HSP90AB1: variants seen among roughly 807,000 people sequenced by gnomAD.
HSP90AB1 encodes heat shock protein 90 alpha family class B member 1, also known as heat shock protein HSP 90-beta.
Under a neutral mutation model 67.8 loss-of-function variants are expected in HSP90AB1, and 17 were observed. The ratio of observed to expected loss-of-function variants is 0.25; its 90% CI spans 0.17 to 0.38. HSP90AB1 has a LOEUF of 0.38. HSP90AB1 is among the 10% of genes least tolerant of loss of function. The pLI is 1.00. For synonymous variants in HSP90AB1, 390 were observed against 312.9 expected (o/e 1.25, Z -2.60); for missense variants, 690 against 899.9 (o/e 0.77, Z 2.98).
In HSP90AB1 at chr6:44,251,194, G is replaced by C. The variant is rs147123370; in HGVS notation, c.1104G>C (p.Glu368Asp). The C allele has an allele frequency of 6.2e-7, 1 of 1,614,168 alleles. No individual in the cohort carries two copies. The highest frequency in any genetic ancestry group is 2.2e-5 in the East Asian group (1 of 44,888). The change falls in exon 7 of 12, where the codon GAG becomes GAC. Residue 368 changes from glutamate (E) to aspartate (D), a missense_variant. This residue lies in a region of HSP90AB1 where 101 missense variants were observed against 174.8 expected (regional missense o/e 0.58). Transcript: ENST00000371646. Reference protein sequence around the residue: ...RRVFIMDSCDELIPEYLNFIR... With the variant: ...RRVFIMDSCDDLIPEYLNFIR... ...TGTTCATCATGGACAGCTGTGATGA[G>C]TTGATACCAGAGTATCTCAGTGAGT...
At chr6:44,250,998 G>A (rs1391668852) in intron 6 of HSP90AB1, 50 bp from the exon 7 acceptor site, 3 of 1,515,930 alleles carry the variant, frequency 2.0e-6, no homozygotes, top group South Asian at 2.2e-5. Flanking sequence ...TGGTGTTGGG[G>A]CTAAAAGGTC....
At position 44,250,432 on chromosome 6, in the gene HSP90AB1, G is replaced by A. The variant is rs201595288; in HGVS notation, c.790G>A (p.Asp264Asn). ...GSDEEDDSGK[D>N]KKKKTKKIKE... Reference sequence around the variant, plus strand: ...AGATGAGGAGGATGACAGCGGTAAGGATAAGAAGAAGAAAACTAAGAAGAT... The same window carrying A: ...AGATGAGGAGGATGACAGCGGTAAGAATAAGAAGAAGAAAACTAAGAAGAT... Residue 264 changes from aspartate (D) to asparagine (N), a missense_variant, in exon 6 of 12, where the codon GAT (aspartate) becomes AAT (asparagine). Coordinates refer to ENST00000371646, the MANE Select transcript of HSP90AB1 (RefSeq NM_007355.4). 1.9e-5 allele frequency: 31 copies of A among 1,613,884 alleles called. No individual in the cohort carries two copies. Among genetic ancestry groups the A allele is most frequent in the Admixed American group, 3.3e-5 (2 of 59,962 alleles).
chr6:44,249,952 C>A, intron 4 of HSP90AB1, 69 bp from the exon 5 acceptor site: 1 of 1,593,256 alleles, frequency 6.3e-7, no homozygotes, highest in Non-Finnish European at 8.6e-7. Context: ...TCTGCTGATA[C>A]TTACTAATTG....
At position 44,250,169 on chromosome 6, in the gene HSP90AB1, T is replaced by TTGA. The variant is rs1561899015; in HGVS notation, c.648+16_648+17insGAT. ...TCACCCTTTATGTGAGTATGGACTT[T>TTGA]TAAATCTTTTACACTTAACGTGCAG... On this transcript the variant is annotated intron_variant, in intron 5 of 11. Coordinates refer to ENST00000371646, the MANE Select transcript of HSP90AB1 (RefSeq NM_007355.4). 1 of 1,614,104 alleles carries TTGA rather than the reference T, an allele frequency of 6.2e-7. No individual in the cohort carries two copies. Among genetic ancestry groups the TTGA allele is most frequent in the Non-Finnish European group, 8.5e-7 (1 of 1,179,994 alleles).
intron 1 of HSP90AB1, 111 bp from the exon 2 acceptor site, chr6:44,248,517 GGT>G: frequency 1.1e-6 from 1 of 928,504 alleles, no homozygotes; most frequent in Non-Finnish European, 1.6e-6. Flanking sequence ...ATAGTACTCC[GGT>G]TAAACCAGTC....
Position 44,249,725 on chromosome 6 carries a change from T to A in HSP90AB1, c.405T>A (p.Ser135=), listed in dbSNP as rs752909323. Residue 135 remains serine, a synonymous_variant, in exon 4 of 12, where the codon TCT becomes TCA. Coordinates refer to ENST00000371646, the MANE Select transcript of HSP90AB1 (RefSeq NM_007355.4). ...GGCAGTTTGGTGTTGGCTTTTATTC[T>A]GCCTACTTGGTGGCAGAGAAAGTGG... ...MIGQFGVGFY[S]AYLVAEKVVV... 3.7e-6 allele frequency: 6 copies of A among 1,614,120 alleles called. No homozygotes were observed. The Admixed American group carries it at 1.0e-4, about 27-fold the overall frequency.
intron 1 of HSP90AB1, chr6:44,248,047 A>T (rs34124063): frequency 0.71 from 107,321 of 151,538 alleles, 38,262 homozygotes; most frequent in African/African-American, 0.8. Flanking sequence ...TTTTGGCTTA[A>T]GAATTCTTTG....
In HSP90AB1 at chr6:44,250,365, T is replaced by G. The variant is rs900527662; in HGVS notation, c.723T>G (p.Asp241Glu). Residue 241 changes from aspartate to glutamate, a missense_variant, in exon 6 of 12, where the codon GAT becomes GAG. This residue lies in a region of HSP90AB1 where 146 missense variants were observed against 143.7 expected (regional missense o/e 1.02). Coordinates refer to ENST00000371646, the MANE Select transcript of HSP90AB1 (RefSeq NM_007355.4). ...EEEKGEKEEE[D>E]KDDEEKPKIE... Reference sequence around the variant, plus strand: ...AGAAAGGTGAGAAAGAAGAGGAAGATAAAGATGATGAAGAAAAACCCAAGA... The same window carrying G: ...AGAAAGGTGAGAAAGAAGAGGAAGAGAAAGATGATGAAGAAAAACCCAAGA... 13 of 1,613,402 alleles carry G rather than the reference T, an allele frequency of 8.1e-6. No homozygotes were observed. Among genetic ancestry groups the G allele is most frequent in the Non-Finnish European group, 1.1e-5 (13 of 1,179,638 alleles).
chr6:44,247,922 C>G (rs369057428), intron 1 of HSP90AB1: 3 of 152,354 alleles, frequency 2.0e-5, no homozygotes, highest in African/African-American at 7.2e-5. Flanking sequence ...CTCGCGTGGT[C>G]CTGGCCGACG....
chr6:44,253,694 C>G lies in HSP90AB1; in HGVS notation c.*96C>G. 1 of 884,284 alleles carries G rather than the reference C, an allele frequency of 1.1e-6. No individual in the cohort carries two copies. The highest frequency in any genetic ancestry group is 1.3e-5 in the South Asian group (1 of 76,128). 54.8% of individuals were successfully genotyped at this position (884,284 alleles called of 1,614,324 possible). On this transcript the variant is annotated 3_prime_UTR_variant, in exon 12 of 12. Transcript: ENST00000371646. ...GTGCCCCTGTCCCACCTGGCTCCCCCTGCTGGTGTCTAGTGTTTTTTTCCC... is the reference window on the plus strand; with the variant it reads ...GTGCCCCTGTCCCACCTGGCTCCCCGTGCTGGTGTCTAGTGTTTTTTTCCC...
In HSP90AB1 at chr6:44,251,888, C is replaced by A. The variant is rs768609786; in HGVS notation, c.1462+4C>A. On this transcript the variant is annotated splice_donor_region_variant and intron_variant, in intron 9 of 11. Transcript: ENST00000371646. ...AAGTCCATCTATTACATCACTGGTG[C>A]GTTGACTCTGATTGAAGCCTTTTTG... 2 of 1,613,230 alleles carry A rather than the reference C, an allele frequency of 1.2e-6. No homozygotes were observed. The highest frequency in any genetic ancestry group is 1.7e-6 in the Non-Finnish European group (2 of 1,179,958).
In HSP90AB1 at chr6:44,251,745, C is replaced by T; in HGVS notation, c.1323C>T (p.Ile441=). ...TCTTCCCACCCTTCAAGCTTGGAAT[C>T]CACGAAGACTCCACTAACCGCCGCC... ...EAFSKNLKLG[I]HEDSTNRRRL... is the part of the protein sequence containing the mutation. The change falls in exon 9 of 12, where the codon ATC becomes ATT. Residue 441 remains isoleucine (I), a synonymous_variant. Transcript: ENST00000371646. The T allele has an allele frequency of 1.9e-6, 3 of 1,613,412 alleles. No individual in the cohort carries two copies. Among genetic ancestry groups the T allele is most frequent in the Non-Finnish European group, 2.5e-6 (3 of 1,179,724 alleles).
At chr6:44,247,065 C>T (rs547930490), upstream of HSP90AB1, 1 of 152,292 alleles carries the variant, frequency 6.6e-6, no homozygotes, top group South Asian at 2.1e-4. Context: ...TACTGTGCTT[C>T]GCCTTATATA....
intron 6 of HSP90AB1, 134 bp downstream of exon 6, chr6:44,250,733 T>C (rs1780532310): frequency 1.5e-6 from 1 of 646,186 alleles, no homozygotes; most frequent in Non-Finnish European, 2.8e-6. Flanking sequence ...GTGATTTCAC[T>C]TACTGATTAC....
rs557358401 is a variant in HSP90AB1, at chr6:44,248,804, A to G, written c.147+28A>G. 35 of 1,522,406 alleles carry G rather than the reference A, an allele frequency of 2.3e-5. No homozygotes were observed. The East Asian group carries it at 7.5e-4, about 33-fold the overall frequency. 94.3% of individuals were successfully genotyped at this position (1,522,406 alleles called of 1,614,324 possible). Reference sequence around the variant, plus strand: ...AGGTGCTCTGGTTTCCACATTTGGCATGGTTTTTTTTTTTGATACTCTAGA... The same window carrying G: ...AGGTGCTCTGGTTTCCACATTTGGCGTGGTTTTTTTTTTTGATACTCTAGA... On this transcript the variant is annotated intron_variant, in intron 2 of 11. Coordinates refer to ENST00000371646, the MANE Select transcript of HSP90AB1 (RefSeq NM_007355.4).
chr6:44,249,335 G>C lies in HSP90AB1; in HGVS notation c.148-42G>C, dbSNP rs759151844. The C allele has an allele frequency of 7.9e-6, 12 of 1,518,622 alleles. No homozygotes were observed. In the Admixed American group the frequency reaches 1.5e-4, roughly 19 times the overall value. 94.1% of individuals were successfully genotyped at this position (1,518,622 alleles called of 1,614,324 possible). On this transcript the variant is annotated intron_variant, in intron 2 of 11. Coordinates refer to ENST00000371646, the MANE Select transcript of HSP90AB1 (RefSeq NM_007355.4). ...AGCTTGGGCAACAGAGCAAGAGTCT[G>C]TCTTGGAAAGAGCAAAAGTAAGTTG... is the stretch of plus-strand genomic sequence containing the variant.
chr6:44,252,960 C>T, intron 10 of HSP90AB1, 85 bp from the exon 11 acceptor site: 1 of 1,126,914 alleles, frequency 8.9e-7, no homozygotes, highest in Non-Finnish European at 1.3e-6. Flanking sequence ...TCCACCTCCT[C>T]CCCCTGCTGG....
chr6:44,247,869 C>T (rs1389485335), intron 1 of HSP90AB1: 1 of 152,236 alleles, frequency 6.6e-6, no homozygotes, highest in Non-Finnish European at 1.5e-5. Flanking sequence ...CGCCCCAGTG[C>T]CCGGATGCTG....
At chr6:44,250,956 A>AGG in intron 6 of HSP90AB1, 92 bp from the exon 7 acceptor site, 1 of 1,133,616 alleles carries the variant, frequency 8.8e-7, no homozygotes, top group South Asian at 1.3e-5. Flanking sequence ...CCTTAGGCTT[A>AGG]GGGAGGATCA....
Sources: gnomAD v4.1 joint callset for allele counts on GRCh38, gnomAD v4.1.1 for gene constraint, gnomAD v4.1.1 regional missense constraint, MANE v1.5 for transcripts, NCBI Gene and HGNC (gene_info 2026-07-23, HGNC 2026-07-21) for gene names.